Variants in NRG1 observed in about 807,000 individuals in gnomAD.
The protein encoded by NRG1 is pro-neuregulin-1, membrane-bound isoform.
A neutral mutation model predicts 63.8 loss-of-function variants in NRG1; 18 were observed. The ratio of observed to expected loss-of-function variants is 0.28; its 90% CI spans 0.19 to 0.42. The LOEUF (loss-of-function observed/expected upper bound fraction) is 0.42, where lower values mean the gene tolerates loss of function less well. Among genes scored for constraint, NRG1 ranks in the 10% least tolerant of loss-of-function variants. NRG1 has a pLI of 1.00. For missense variants in NRG1, 762 were observed against 814.7 expected, an observed-to-expected ratio of 0.94 and a Z score of 0.79; for synonymous variants, 302 against 301.3, an observed-to-expected ratio of 1.00 and a Z score of -0.02.
chr8:31,941,894 C>G (rs1801810930), intron 1 of NRG1, among the ~76,000 whole-genome samples: 1 of 152,022 alleles, frequency 6.6e-6, no homozygotes, highest in Non-Finnish European at 1.5e-5. Flanking sequence ...TCATAGACAA[C>G]ACAAACAAAT....
intron 1 of NRG1, among the ~76,000 whole-genome samples, chr8:32,182,603 C>T (rs1841550893): frequency 6.6e-6 from 1 of 152,162 alleles, no homozygotes; most frequent in Non-Finnish European, 1.5e-5. Flanking sequence ...GATCAAGAAT[C>T]CAGCTAATTC....
chr8:32,569,339 G>A (rs956783405), intron 1 of NRG1, among the ~76,000 whole-genome samples: 4 of 152,108 alleles, frequency 2.6e-5, no homozygotes, highest in East Asian at 3.9e-4. Flanking sequence ...ATGAGCCACC[G>A]TGCCTGGCCA....
At chr8:32,681,412 ATT>A (rs1808584508) in intron 5 of NRG1, among the ~76,000 whole-genome samples, 1 of 152,120 alleles carries the variant, frequency 6.6e-6, no homozygotes, top group Non-Finnish European at 1.5e-5. Context: ...GAAATTCATT[ATT>A]CTTTATTAAC....
chr8:32,308,892 C>T (rs1856515415), intron 1 of NRG1, among the ~76,000 whole-genome samples: 1 of 152,194 alleles, frequency 6.6e-6, no homozygotes, highest in African/African-American at 2.4e-5. Flanking sequence ...TCATTCCTTC[C>T]TCTATGGCCT....
At chr8:31,913,066 GA>G (rs1029422855) in intron 1 of NRG1, among the ~76,000 whole-genome samples, 1 of 152,074 alleles carries the variant, frequency 6.6e-6, no homozygotes, top group Non-Finnish European at 1.5e-5. Context: ...GTAGAAAGTG[GA>G]TATCACTCCT....
chr8:32,586,759 T>A (rs991964295), intron 1 of NRG1, among the ~76,000 whole-genome samples: 2 of 152,166 alleles, frequency 1.3e-5, no homozygotes, highest in African/African-American at 4.8e-5. Context: ...GTACCTTACA[T>A]GAAATACACA....
At chr8:32,277,452 G>A (rs534533821) in intron 1 of NRG1, among the ~76,000 whole-genome samples, 54 of 152,252 alleles carry the variant, frequency 3.5e-4, no homozygotes, top group Non-Finnish European at 6.8e-4. Flanking sequence ...CCCTAGCTAA[G>A]TTATTTACCT....
chr8:32,548,985 TG>T (rs1188924196), intron 1 of NRG1, among the ~76,000 whole-genome samples, 159 bp downstream of exon 1: 1 of 152,154 alleles, frequency 6.6e-6, no homozygotes, highest in Non-Finnish European at 1.5e-5. Flanking sequence ...CTTCCCCTCC[TG>T]GGGGCCGCCG....
intron 1 of NRG1, among the ~76,000 whole-genome samples, chr8:32,227,573 AT>A (rs1431161820): frequency 2.0e-5 from 3 of 152,190 alleles, no homozygotes; most frequent in Non-Finnish European, 2.9e-5. Context: ...GAAATCAAGC[AT>A]TTCTCTGTTT....
chr8:32,148,430 G>T (rs367763377), intron 1 of NRG1, among the ~76,000 whole-genome samples: 8 of 152,272 alleles, frequency 5.3e-5, no homozygotes, highest in African/African-American at 1.2e-4. Context: ...ACGGAGTCTA[G>T]CTCTGTTGCT....
chr8:32,742,890 C>T lies in NRG1; in HGVS notation c.691+157C>T. 1 of 1,545,078 alleles carries T rather than the reference C, an allele frequency of 6.5e-7. No individual in the cohort carries two copies. On this transcript the variant is annotated intron_variant, in intron 7 of 11. Transcript: ENST00000356819. The surrounding 1 kb of genome is among the most constrained non-coding windows in gnomAD (Gnocchi z 4.2). ...TCTGCCTGTCGCATGAGAACATTAA[C>T]AAAAGCAATTGTATTACTTCCTCTG...
At chr8:31,947,375 A>G (rs979112314) in intron 1 of NRG1, among the ~76,000 whole-genome samples, 4 of 151,044 alleles carry the variant, frequency 2.6e-5, no homozygotes, top group Non-Finnish European at 5.9e-5. Context: ...TCCAATCTTT[A>G]GCTATGCTGT....
intron 5 of NRG1, among the ~76,000 whole-genome samples, chr8:32,670,529 C>T (rs1207703698): frequency 6.6e-6 from 1 of 152,102 alleles, no homozygotes; most frequent in Non-Finnish European, 1.5e-5. Flanking sequence ...ACTCTCACAC[C>T]TCCTCCCATC....
chr8:32,487,701 A>C (rs1225079348), intron 1 of NRG1, among the ~76,000 whole-genome samples: 1 of 152,178 alleles, frequency 6.6e-6, no homozygotes, highest in Non-Finnish European at 1.5e-5. Context: ...AACTCTGAAA[A>C]TCAGGGCATG....
At chr8:32,306,365 A>T (rs1051963069) in intron 1 of NRG1, among the ~76,000 whole-genome samples, 11 of 152,354 alleles carry the variant, frequency 7.2e-5, no homozygotes, top group African/African-American at 1.4e-4. Context: ...ATAGGGAAAG[A>T]ATTTAACTAC....
At chr8:31,955,735 T>A (rs985765712) in intron 1 of NRG1, among the ~76,000 whole-genome samples, 15 of 151,928 alleles carry the variant, frequency 9.9e-5, no homozygotes, top group African/African-American at 3.6e-4. Context: ...TGATTTTTTT[T>A]AAATTTAAAA....
intron 1 of NRG1, among the ~76,000 whole-genome samples, chr8:31,888,270 T>G (rs1344071381): frequency 6.6e-6 from 1 of 152,068 alleles, no homozygotes; most frequent in East Asian, 1.9e-4. Context: ...TTAAGTATGT[T>G]GACAATACCC....
chr8:31,998,566 A>T (rs1471817400), intron 1 of NRG1, among the ~76,000 whole-genome samples: 1 of 151,970 alleles, frequency 6.6e-6, no homozygotes, highest in African/African-American at 2.4e-5. Flanking sequence ...GGTTCTTTGG[A>T]GATAGCTCAT....
chr8:32,264,641 A>T (rs1417915194), intron 1 of NRG1, among the ~76,000 whole-genome samples: 1 of 152,230 alleles, frequency 6.6e-6, no homozygotes, highest in Non-Finnish European at 1.5e-5. Context: ...AACAGAAACC[A>T]TAAGCTGAAT....
Sources: allele counts gnomAD v4.1 joint callset (sites outside exome capture counted in the v4.1 genomes callset), GRCh38; gene constraint gnomAD v4.1.1; non-coding constraint Gnocchi (gnomAD v3.1); transcripts MANE v1.5; gene names NCBI Gene and HGNC (gene_info 2026-07-23, HGNC 2026-07-21).